ADAMTS6: variants seen among roughly 807,000 people sequenced by gnomAD.
ADAMTS6 encodes ADAM metallopeptidase with thrombospondin type 1 motif 6.
In ADAMTS6, 23 loss-of-function variants were observed where a neutral mutation model predicts 144.3. The ratio of observed to expected loss-of-function variants is 0.16; its 90% confidence interval spans 0.11 to 0.23. The LOEUF is 0.23. Ranked by LOEUF, ADAMTS6 falls within the 10% of genes least tolerant of loss-of-function variation. The probability of loss-of-function intolerance (pLI) is 1.00; values close to 1 mark genes in which losing one functional copy is unlikely to be tolerated. For synonymous variants in ADAMTS6, 444 were observed against 457.5 expected (o/e 0.97, Z 0.38); for missense variants, 999 against 1,379.6 (o/e 0.72, Z 4.37).
chr5:65,471,554 T>G (rs1351895045), intron 2 of ADAMTS6, among the ~76,000 whole-genome samples: 1 of 152,006 alleles, frequency 6.6e-6, no homozygotes, highest in Non-Finnish European at 1.5e-5. Context: ...AAATTATTAT[T>G]TTTTAAGAAA....
At chr5:65,465,612 C>T (rs183476933) in intron 3 of ADAMTS6, among the ~76,000 whole-genome samples, 66 of 152,302 alleles carry the variant, frequency 4.3e-4, no homozygotes, top group African/African-American at 1.5e-3. Context: ...CATGTCATTG[C>T]CTCTTCTTCA....
chr5:65,269,703 G>T (rs536546760), intron 12 of ADAMTS6, among the ~76,000 whole-genome samples: 1 of 151,464 alleles, frequency 6.6e-6, no homozygotes, highest in South Asian at 2.1e-4. Flanking sequence ...AGTTAAAACT[G>T]TACCTACCTC....
chr5:65,164,443 G>A (rs1195788626), intron 24 of ADAMTS6, among the ~76,000 whole-genome samples: 2 of 146,608 alleles, frequency 1.4e-5, no homozygotes, highest in South Asian at 4.4e-4. Context: ...AGGCGGCAGC[G>A]AGGCTGGGGG....
intron 7 of ADAMTS6, among the ~76,000 whole-genome samples, chr5:65,383,581 T>C (rs1301887744): frequency 1.3e-5 from 2 of 152,162 alleles, no homozygotes; most frequent in Non-Finnish European, 2.9e-5. Flanking sequence ...GCAATCCTAC[T>C]CTCAAGGCTT....
At chr5:65,200,649 A>ATT (rs1366141251) in intron 20 of ADAMTS6, among the ~76,000 whole-genome samples, 1 of 152,198 alleles carries the variant, frequency 6.6e-6, no homozygotes, top group African/African-American at 2.4e-5. Flanking sequence ...GTTCTGCAGA[A>ATT]TTTAATAAAA....
At chr5:65,359,777 C>T (rs941277200) in intron 7 of ADAMTS6, among the ~76,000 whole-genome samples, 2 of 151,812 alleles carry the variant, frequency 1.3e-5, no homozygotes, top group South Asian at 2.1e-4. Context: ...GAGACAAATA[C>T]TGATTCGTGT....
At chr5:65,264,562 T>G (rs972241153) in intron 12 of ADAMTS6, among the ~76,000 whole-genome samples, 2 of 152,274 alleles carry the variant, frequency 1.3e-5, no homozygotes, top group African/African-American at 4.8e-5. Context: ...TCTGTCCTAC[T>G]GCTTTAGTTC....
chr5:65,178,125 G>A (rs889866600), intron 22 of ADAMTS6, among the ~76,000 whole-genome samples: 4 of 152,158 alleles, frequency 2.6e-5, no homozygotes, highest in Admixed American at 6.5e-5. Flanking sequence ...ATCCCCGAGC[G>A]GATGTGTGAT....
intron 20 of ADAMTS6, among the ~76,000 whole-genome samples, chr5:65,208,397 T>A (rs967367284): frequency 9.9e-5 from 15 of 152,182 alleles, no homozygotes; most frequent in South Asian, 2.1e-4. Context: ...TATTCTATTG[T>A]GCAGCCAAAG....
At position 65,206,375 on chromosome 5, in the gene ADAMTS6, G is replaced by C. The variant is rs568361152; in HGVS notation, c.2575+8419C>G. ...TCCCACATCAGGAAAATTCAAAATA[G>C]TAGTTGGAAATCATATAAATGGTCT... On this transcript the variant is annotated intron_variant, in intron 20 of 24. Transcript: ENST00000381055. Among the ~76,000 whole-genome samples, 9 of 152,214 alleles carry C rather than the reference G, an allele frequency of 5.9e-5. 1 individual carries two copies. The highest frequency in any genetic ancestry group is 6.8e-3 in the Middle Eastern group (2 of 294).
chr5:65,298,914 T>C (rs1317130357), intron 10 of ADAMTS6, among the ~76,000 whole-genome samples: 1 of 152,116 alleles, frequency 6.6e-6, no homozygotes, highest in Non-Finnish European at 1.5e-5. Context: ...GAAATTTTAA[T>C]AAATAATGTT....
intron 7 of ADAMTS6, among the ~76,000 whole-genome samples, chr5:65,397,355 C>CT (rs1753430020): frequency 6.6e-6 from 1 of 151,874 alleles, no homozygotes; most frequent in Non-Finnish European, 1.5e-5. Context: ...CTTCTGCTTA[C>CT]TTTGAGTTTA....
chr5:65,285,028 C>A (rs911391075), intron 11 of ADAMTS6, among the ~76,000 whole-genome samples: 1 of 152,094 alleles, frequency 6.6e-6, no homozygotes, highest in Non-Finnish European at 1.5e-5. Flanking sequence ...TAGTACTCTG[C>A]GTAGGCTGTG....
In ADAMTS6 at chr5:65,150,282, A is replaced by T. The variant is rs973681550; in HGVS notation, c.*1554T>A. On this transcript the variant is annotated 3_prime_UTR_variant, in exon 25 of 25. Transcript: ENST00000381055. The stretch of plus-strand genomic sequence containing the variant: ...GTACACCTGTGTACAATGGGGAGGC[A>T]TTTTGGACACAAAGCACATTCATCA... The T allele has an allele frequency of 6.6e-6, 1 of 152,658 alleles. No homozygotes were observed. Among genetic ancestry groups the T allele is most frequent in the Admixed American group, 6.5e-5 (1 of 15,286 alleles). 9.5% of individuals were successfully genotyped at this position (152,658 alleles called of 1,614,324 possible).
chr5:65,262,672 C>T (rs1399216460), intron 13 of ADAMTS6, 145 bp downstream of exon 13: 1 of 863,986 alleles, frequency 1.2e-6, no homozygotes, highest in Non-Finnish European at 1.6e-6. Context: ...CAAAGCTCCT[C>T]CACTTTCCTG....
At chr5:65,384,512 C>A (rs1438461020) in intron 7 of ADAMTS6, among the ~76,000 whole-genome samples, 1 of 152,204 alleles carries the variant, frequency 6.6e-6, no homozygotes, top group Non-Finnish European at 1.5e-5. Context: ...CATCTTTCCT[C>A]TAGTTTCCAA....
intron 7 of ADAMTS6, among the ~76,000 whole-genome samples, chr5:65,441,847 A>G (rs903937144): frequency 1.3e-5 from 2 of 150,630 alleles, no homozygotes; most frequent in African/African-American, 4.9e-5. Context: ...AAAAAAAAAA[A>G]GAAATACTCT....
chr5:65,452,645 T>C (rs1441161457), intron 5 of ADAMTS6, 62 bp downstream of exon 5: 9 of 1,558,956 alleles, frequency 5.8e-6, no homozygotes, highest in Non-Finnish European at 7.9e-6. Flanking sequence ...CAAAAATTTA[T>C]GACCTTAGTC....
intron 15 of ADAMTS6, among the ~76,000 whole-genome samples, chr5:65,230,832 TATATATATAATACATATATATGAA>T (rs754861492): frequency 0.026 from 2,478 of 95,172 alleles, 54 homozygotes; most frequent in African/African-American, 0.04. Flanking sequence ...TATGTATAAA[TATATATATAATACATATATATGAA>T]ATATATATAA....
Sources: allele counts gnomAD v4.1 joint callset (sites outside exome capture counted in the v4.1 genomes callset), GRCh38; gene constraint gnomAD v4.1.1; transcripts MANE v1.5; gene names NCBI Gene and HGNC (gene_info 2026-07-23, HGNC 2026-07-21).